The following DDX25 variants were observed in gnomAD, a reference collection of about 807,000 sequenced individuals.
The protein encoded by DDX25 is ATP-dependent RNA helicase DDX25.
In DDX25, 70 loss-of-function variants were observed where a neutral mutation model predicts 64.6. That is an observed-to-expected ratio of 1.08 (90% CI 0.89 to 1.32). The LOEUF (loss-of-function observed/expected upper bound fraction) is 1.32, where lower values mean the gene tolerates loss of function less well. Ranked by LOEUF, DDX25 falls within the 40% of genes most tolerant of loss-of-function variation. The pLI is 0.00. For synonymous variants in DDX25, 211 were observed against 213.3 expected (o/e 0.99, Z 0.09); for missense variants, 587 against 604.4 (o/e 0.97, Z 0.30).
At chr11:125,903,958 G>C (rs1285846369), upstream of DDX25, among the ~76,000 whole-genome samples, 1 of 152,070 alleles carries the variant, frequency 6.6e-6, no homozygotes, top group African/African-American at 2.4e-5. Flanking sequence ...AGGTATCTAG[G>C]GCAGGAACAG....
Position 125,911,299 on chromosome 11 carries a change from T to C in DDX25, c.623-12T>C. ...GCATCTGAAGGAGTGCTTAAAACCCTTTTCTCCCCAGTTCCCAGAGGCACC... is the reference window on the plus strand; with the variant it reads ...GCATCTGAAGGAGTGCTTAAAACCCCTTTCTCCCCAGTTCCCAGAGGCACC... On this transcript the variant is annotated splice_polypyrimidine_tract_variant and intron_variant, in intron 7 of 11. Coordinates refer to ENST00000263576, the MANE Select transcript of DDX25 (RefSeq NM_013264.5). The C allele has an allele frequency of 6.2e-7, 1 of 1,603,032 alleles. No individual in the cohort carries two copies. The highest frequency in any genetic ancestry group is 1.3e-5 in the African/African-American group (1 of 74,820).
At position 125,905,535 on chromosome 11, in the gene DDX25, C is replaced by A; in HGVS notation, c.131-18C>A. 1.3e-6 allele frequency: 2 copies of A among 1,550,064 alleles called. No homozygotes were observed. Among genetic ancestry groups the A allele is most frequent in the Non-Finnish European group, 1.7e-6 (2 of 1,145,930 alleles). On this transcript the variant is annotated intron_variant, in intron 2 of 11. Coordinates refer to ENST00000263576, the MANE Select transcript of DDX25 (RefSeq NM_013264.5). ...GCATTTGTCTTTACTTGTATTGTTT[C>A]TCTTCCATCCTTTCCAGATGGTTCT...
intron 3 of DDX25, 91 bp downstream of exon 3, chr11:125,905,688 G>A: frequency 1.5e-6 from 2 of 1,297,446 alleles, no homozygotes; most frequent in Non-Finnish European, 2.2e-6. Context: ...ATCTCAATTG[G>A]AAAAGGCCTG....
In DDX25 at chr11:125,920,909, CACACACACAT is replaced by C. The variant is rs1455684506; in HGVS notation, c.1202-272_1202-263del. ...GCTTGGTGAGGGCACCTCTCCACCA[CACACACACAT>C]ACACACACACACACACACACACACA... On this transcript the variant is annotated intron_variant, in intron 10 of 11. Coordinates refer to ENST00000263576, the MANE Select transcript of DDX25 (RefSeq NM_013264.5). 384 of 267,922 alleles carry C rather than the reference CACACACACAT, an allele frequency of 1.4e-3. 2 individuals carry two copies. The highest frequency in any genetic ancestry group is 9.5e-3 in the African/African-American group (361 of 37,830). 16.6% of individuals were successfully genotyped at this position (267,922 alleles called of 1,614,324 possible).
At chr11:125,904,752 C>T in intron 1 of DDX25, 172 bp downstream of exon 1, 1 of 805,312 alleles carries the variant, frequency 1.2e-6, no homozygotes, top group South Asian at 1.6e-5. Flanking sequence ...AGACCCCGTC[C>T]CCACCCCCAC....
In DDX25 at chr11:125,910,435, C is replaced by A; in HGVS notation, c.579C>A (p.Phe193Leu). 1 of 1,613,972 alleles carries A rather than the reference C, an allele frequency of 6.2e-7. No homozygotes were observed. The highest frequency in any genetic ancestry group is 2.2e-5 in the East Asian group (1 of 44,886). Residue 193 changes from phenylalanine (F) to leucine (L), a missense_variant, in exon 7 of 12, where the codon TTC becomes TTA. Physicochemically the swap from Phe to Leu is conservative, Grantham distance 22. Transcript: ENST00000263576. ...GTGTGGTTGAGCAGATGGGAAAATT[C>A]TGTGTGGATGTTCAAGTGATGTATG... Reference protein sequence around the residue: ...TGRVVEQMGKFCVDVQVMYAI... With the variant: ...TGRVVEQMGKLCVDVQVMYAI...
intron 11 of DDX25, chr11:125,922,423 G>A (rs1043989776): frequency 1.3e-4 from 22 of 174,890 alleles, no homozygotes; most frequent in African/African-American, 3.8e-4. Flanking sequence ...CACATCCACC[G>A]ACCTTTCAGG....
upstream of DDX25, chr11:125,904,423 C>A (rs1385468186): frequency 1.7e-6 from 2 of 1,203,008 alleles, no homozygotes; most frequent in Admixed American, 4.2e-5. Flanking sequence ...GGACGCCTGC[C>A]CCCTAAGGAA....
At chr11:125,907,467 G>A (rs1052303374) in intron 4 of DDX25, among the ~76,000 whole-genome samples, 2 of 152,010 alleles carry the variant, frequency 1.3e-5, no homozygotes, top group African/African-American at 4.8e-5. Context: ...AATTAGCCAG[G>A]TGTGGTGGCG....
chr11:125,904,385 G>T (rs1944843943), upstream of DDX25: 3 of 848,102 alleles, frequency 3.5e-6, no homozygotes, highest in Admixed American at 1.3e-4. Flanking sequence ...CCTGCGCGCC[G>T]CACCGCGGTG....
chr11:125,909,527 G>A (rs1480717464), intron 6 of DDX25, among the ~76,000 whole-genome samples: 1 of 151,932 alleles, frequency 6.6e-6, no homozygotes, highest in African/African-American at 2.4e-5. Context: ...GAATAACAGA[G>A]TTTGGGGGAA....
intron 8 of DDX25, among the ~76,000 whole-genome samples, chr11:125,913,003 A>G (rs763053366): frequency 4.5e-4 from 68 of 151,660 alleles, no homozygotes; most frequent in Non-Finnish European, 5.9e-4. Flanking sequence ...TAAAAATACA[A>G]AAAAATTAGC....
Position 125,925,046 on chromosome 11 carries a change from G to T in DDX25, c.*2165G>T. The T allele has an allele frequency of 2.5e-5, 4 of 158,772 alleles. No individual in the cohort carries two copies. Among genetic ancestry groups the T allele is most frequent in the Admixed American group, 6.2e-5 (1 of 16,216 alleles). 9.8% of individuals were successfully genotyped at this position (158,772 alleles called of 1,614,324 possible). A position where few individuals can be genotyped will look rare whatever the true frequency, so the allele number is the denominator to read the frequency against. On this transcript the variant is annotated 3_prime_UTR_variant, in exon 12 of 12. Coordinates refer to ENST00000263576, the MANE Select transcript of DDX25 (RefSeq NM_013264.5). ...TCATTCACTAATAATTTTTTTTTAG[G>T]TTTTCCATCCTAGTTTTGAACCCCA...
chr11:125,919,015 A>G (rs2134283516), intron 10 of DDX25, among the ~76,000 whole-genome samples: 1 of 152,168 alleles, frequency 6.6e-6, no homozygotes, highest in Middle Eastern at 3.4e-3. Context: ...TTCTGTCTCC[A>G]TATTTTTGGA....
upstream of DDX25, among the ~76,000 whole-genome samples, chr11:125,903,776 G>A (rs948467923): frequency 4.6e-5 from 7 of 151,904 alleles, no homozygotes; most frequent in Admixed American, 1.3e-4. Flanking sequence ...GTGGAATTTG[G>A]TTCTTTCGTC....
At chr11:125,914,091 A>G (rs1315016361) in intron 8 of DDX25, among the ~76,000 whole-genome samples, 3 of 152,212 alleles carry the variant, frequency 2.0e-5, no homozygotes, top group Non-Finnish European at 4.4e-5. Flanking sequence ...TCTAGTATTT[A>G]AAAATTTTTT....
rs662722 is a variant in DDX25 at position 125,922,521 on chromosome 11, T to C, written c.1391-299T>C. On this transcript the variant is annotated intron_variant, in intron 11 of 11. Coordinates refer to ENST00000263576, the MANE Select transcript of DDX25 (RefSeq NM_013264.5). ...AAGGCCACTGTCGCTATGGTGAGCT[T>C]CTAAGGCCCTGGTCTCAGGAAGTGA... is the stretch of plus-strand genomic sequence containing the variant. 213,479 of 303,474 alleles carry C rather than the reference T, an allele frequency of 0.7. 75,611 individuals carry two copies. Among genetic ancestry groups the C allele is most frequent in the Admixed American group, 0.75 (15,344 of 20,422 alleles). The allele number at this position is 303,474 out of a possible 1,614,324, so 18.8% of individuals were successfully genotyped here.
intron 1 of DDX25, 56 bp downstream of exon 1, chr11:125,904,636 G>A (rs1185761703): frequency 7.0e-7 from 1 of 1,428,326 alleles, no homozygotes; most frequent in Non-Finnish European, 9.2e-7. Context: ...CCCACTCGCA[G>A]AGGGAGATCG....
chr11:125,913,347 A>G (rs900951767), intron 8 of DDX25, among the ~76,000 whole-genome samples: 1 of 152,042 alleles, frequency 6.6e-6, no homozygotes, highest in Non-Finnish European at 1.5e-5. Context: ...ATGCTGGAGT[A>G]TATTTTCTAA....
Sources: allele counts gnomAD v4.1 joint callset (sites outside exome capture counted in the v4.1 genomes callset), GRCh38; gene constraint gnomAD v4.1.1; transcripts MANE v1.5; gene names NCBI Gene and HGNC (gene_info 2026-07-23, HGNC 2026-07-21).